NCF2: variants seen among roughly 807,000 people sequenced by gnomAD.
NCF2 encodes neutrophil cytosol factor 2.
In NCF2, 45 loss-of-function variants were observed where a neutral mutation model predicts 70.9. That is an observed-to-expected ratio of 0.63 (90% CI 0.50 to 0.81). The LOEUF is 0.81. Ranked by LOEUF, NCF2 falls within the 40% of genes least tolerant of loss-of-function variation. The pLI, the probability that NCF2 is intolerant of heterozygous loss-of-function variation, is 0.00. For missense variants in NCF2, 522 were observed against 631.6 expected (o/e 0.83, Z 1.86); for synonymous variants, 203 against 233.6 (o/e 0.87, Z 1.19).
Position 183,563,240 on chromosome 1 carries a change from GC to G in NCF2, c.1244del (p.Gly415AlafsTer3), listed in dbSNP as rs751478804. The G allele has an allele frequency of 6.2e-7, 1 of 1,614,130 alleles. No homozygotes were observed. Among genetic ancestry groups the G allele is most frequent in the South Asian group, 1.1e-5 (1 of 91,078 alleles). Reference sequence around the variant, plus strand: ...GAGTCAGGCAGTAGTTTTTCACCTGGCCCCAGGCATCCTTCATGCTGTCTTC... The same window carrying G: ...GAGTCAGGCAGTAGTTTTTCACCTGGCCCAGGCATCCTTCATGCTGTCTTC... ...LSEDSMKDAWGQVKNYCLTLW... is the reference protein window; with the variant it reads ...LSEDSMKDAWXQVKNYCLTLW... On this transcript the variant is annotated frameshift_variant, in exon 13 of 15. Coordinates refer to ENST00000367535, the MANE Select transcript of NCF2 (RefSeq NM_000433.4). LOFTEE classifies it high-confidence loss of function.
chr1:183,574,734 T>G, intron 3 of NCF2, 113 bp from the exon 4 acceptor site: 1 of 1,288,326 alleles, frequency 7.8e-7, no homozygotes, highest in Admixed American at 1.7e-5. Context: ...TCTCCCTTTC[T>G]CAGCTCTCCT....
intron 4 of NCF2, 49 bp downstream of exon 4, chr1:183,574,438 T>C (rs1235169758): frequency 6.2e-7 from 1 of 1,613,710 alleles, no homozygotes; most frequent in East Asian, 2.2e-5. Flanking sequence ...CTGAGACAAA[T>C]GAGAATCCAG....
At chr1:183,597,680 G>A in the NCF2 span, 3 of 152,284 alleles carry the variant, frequency 2.0e-5, no homozygotes, top group African/African-American at 4.8e-5. Flanking sequence ...TATACTCAAT[G>A]TTTAGCTACC....
At chr1:183,595,278 A>G (rs1673745316), upstream of NCF2, among the ~76,000 whole-genome samples, 1 of 152,176 alleles carries the variant, frequency 6.6e-6, no homozygotes, top group African/African-American at 2.4e-5. Context: ...ATCTCACATG[A>G]AGGATACAGA....
rs759398660 is a variant in NCF2 at position 183,563,259 on chromosome 1, C to CT, written c.1225dup (p.Ser409LysfsTer19). 6.2e-7 allele frequency: 1 copy of CT among 1,614,210 alleles called. No individual in the cohort carries two copies. Among genetic ancestry groups the CT allele is most frequent in the Admixed American group, 1.7e-5 (1 of 60,020 alleles). On this transcript the variant is annotated frameshift_variant, in exon 13 of 15. Coordinates refer to ENST00000367535, the MANE Select transcript of NCF2 (RefSeq NM_000433.4). LOFTEE classifies it high-confidence loss of function. ...CACCTGGCCCCAGGCATCCTTCATG[C>CT]TGTCTTCTGAAAGGGGCACCAGCTC...
upstream of NCF2, among the ~76,000 whole-genome samples, chr1:183,593,919 T>G (rs190433190): frequency 2.2e-3 from 335 of 152,204 alleles, 3 homozygotes; most frequent in African/African-American, 7.7e-3. Flanking sequence ...TCCCCAGTGA[T>G]AAAAAATAAA....
At chr1:183,591,647 T>C (rs1673655014), upstream of NCF2, among the ~76,000 whole-genome samples, 3 of 152,148 alleles carry the variant, frequency 2.0e-5, no homozygotes. Flanking sequence ...CACGCCCTGC[T>C]AATTTTTGTA....
chr1:183,584,178 A>C (rs1673235014), intron 2 of NCF2, among the ~76,000 whole-genome samples: 1 of 152,236 alleles, frequency 6.6e-6, no homozygotes, highest in Admixed American at 6.5e-5. Context: ...CTCAAGGTTC[A>C]CATACGGACT....
intron 4 of NCF2, 132 bp downstream of exon 4, chr1:183,574,355 C>A (rs1558098866): frequency 7.5e-7 from 1 of 1,325,990 alleles, no homozygotes. Flanking sequence ...TGGAACTATA[C>A]CCTAAGATCA....
At chr1:183,567,628 TGAG>T (rs1197669103) in intron 7 of NCF2, 1 of 494,810 alleles carries the variant, frequency 2.0e-6, no homozygotes, top group East Asian at 4.1e-5. Context: ...CCTTCTGCTC[TGAG>T]GAGGAAGGTC....
chr1:183,567,621 T>G, intron 7 of NCF2: 1 of 515,504 alleles, frequency 1.9e-6, no homozygotes, highest in East Asian at 3.8e-5. Context: ...TGCCCTCCCT[T>G]CTGCTCTGAG....
At chr1:183,567,428 C>G (rs1462296008) in intron 7 of NCF2, 83 bp from the exon 8 acceptor site, 2 of 1,589,862 alleles carry the variant, frequency 1.3e-6, no homozygotes, top group Non-Finnish European at 1.7e-6. Context: ...GAGCCAGGGA[C>G]TTGGCTCCAG....
At chr1:183,560,399 T>G (rs1033246808) in intron 13 of NCF2, 126 bp from the exon 14 acceptor site, 3 of 1,103,918 alleles carry the variant, frequency 2.7e-6, no homozygotes, top group African/African-American at 1.6e-5. Context: ...TTGTGATCAG[T>G]GCCTTGTGTA....
chr1:183,566,166 C>A (rs1421282421), intron 9 of NCF2, among the ~76,000 whole-genome samples: 2 of 152,204 alleles, frequency 1.3e-5, no homozygotes, highest in Non-Finnish European at 2.9e-5. Flanking sequence ...CTTTTCAAAG[C>A]ATTTGGATAT....
Position 183,563,189 on chromosome 1 carries a change from A to C in NCF2, c.1290+6T>G. ...TGTAACTTTAGATGCCCCTCATTGC[A>C]CTCACCACTGTGTTCTCACACCACA... On this transcript the variant is annotated splice_donor_region_variant and intron_variant, in intron 13 of 14. Transcript: ENST00000367535. 1.2e-6 allele frequency: 2 copies of C among 1,613,138 alleles called. No homozygotes were observed. The highest frequency in any genetic ancestry group is 1.7e-6 in the Non-Finnish European group (2 of 1,179,182).
At chr1:183,562,450 G>A (rs1391915844) in intron 13 of NCF2, among the ~76,000 whole-genome samples, 2 of 152,138 alleles carry the variant, frequency 1.3e-5, no homozygotes, top group African/African-American at 2.4e-5. Flanking sequence ...ACACCAGGGA[G>A]TCTCATCCCC....
chr1:183,589,653 G>T (rs1398063826), intron 1 of NCF2, among the ~76,000 whole-genome samples: 1 of 152,188 alleles, frequency 6.6e-6, no homozygotes, highest in Admixed American at 6.5e-5. Context: ...CTTTAAAAGA[G>T]TCTCCTTTAT....
chr1:183,569,208 G>A (rs1558096063), intron 6 of NCF2, 23 bp from the exon 7 acceptor site: 1 of 1,613,004 alleles, frequency 6.2e-7, no homozygotes. Context: ...CAGGAGAAGT[G>A]AAAACGGAAA....
chr1:183,596,160 A>G, the NCF2 span, among the ~76,000 whole-genome samples: 3 of 151,612 alleles, frequency 2.0e-5, no homozygotes, highest in African/African-American at 7.3e-5. Flanking sequence ...TGCCCATGAT[A>G]TGGTGGATTT....
Sources: allele counts gnomAD v4.1 joint callset (sites outside exome capture counted in the v4.1 genomes callset), GRCh38; gene constraint gnomAD v4.1.1; transcripts MANE v1.5; gene names NCBI Gene and HGNC (gene_info 2026-07-23, HGNC 2026-07-21).